Variants in WNT6 observed in about 807,000 individuals in gnomAD.
WNT6 encodes the protein Wnt family member 6.
Under a neutral mutation model 33.1 loss-of-function variants are expected in WNT6, and 27 were observed. The ratio of observed to expected loss-of-function variants is 0.82; its 90% CI spans 0.60 to 1.12. WNT6 has a LOEUF of 1.12. Among genes scored for constraint, WNT6 ranks in the 50% most tolerant of loss-of-function variants. The pLI, the probability that WNT6 is intolerant of heterozygous loss-of-function variation, is 0.00. For synonymous variants in WNT6, 249 were observed against 242.8 expected, an observed-to-expected ratio of 1.03 and a Z score of -0.24; for missense variants, 494 against 535.3, an observed-to-expected ratio of 0.92 and a Z score of 0.76.
At position 218,871,246 on chromosome 2, in the gene WNT6, G is replaced by A; in HGVS notation, c.300G>A (p.Gln100=). 3 of 1,607,612 alleles carry A rather than the reference G, an allele frequency of 1.9e-6. No homozygotes were observed. The highest frequency in any genetic ancestry group is 2.6e-6 in the Non-Finnish European group (3 of 1,175,820). ...AGGCCTTTGGACGCATCCTGCAACAGGGTCAGTGTGGGGAGGGGGCGGAAG... is the reference window on the plus strand; with the variant it reads ...AGGCCTTTGGACGCATCCTGCAACAAGGTCAGTGTGGGGAGGGGGCGGAAG... ...HSKAFGRILQ[Q]DIRETAFVFA... Residue 100 remains glutamine (Q), a splice_region_variant and synonymous_variant, in exon 2 of 4, where the codon CAG becomes CAA. Transcript: ENST00000233948. This position sits in a 1 kb window ranked among gnomAD's most constrained non-coding sequence, Gnocchi z 6.4.
chr2:218,863,036 G>A (rs1944323152), intron 1 of WNT6, among the ~76,000 whole-genome samples: 1 of 152,086 alleles, frequency 6.6e-6, no homozygotes, highest in Non-Finnish European at 1.5e-5. Context: ...CATCTCTTTG[G>A]TCTGAGCCCA....
intron 1 of WNT6, among the ~76,000 whole-genome samples, chr2:218,868,759 G>A (rs1944374168): frequency 6.6e-6 from 1 of 152,140 alleles, no homozygotes; most frequent in Non-Finnish European, 1.5e-5. Flanking sequence ...GGTATTACAT[G>A]TGACACAGAA....
intron 1 of WNT6, among the ~76,000 whole-genome samples, chr2:218,868,315 T>C (rs770404443): frequency 4.6e-5 from 7 of 152,160 alleles, no homozygotes; most frequent in South Asian, 2.1e-4. Flanking sequence ...GTTTTTGTCT[T>C]TCTGTCTTGC....
At chr2:218,864,616 G>A (rs1227380578) in intron 1 of WNT6, among the ~76,000 whole-genome samples, 8 of 152,120 alleles carry the variant, frequency 5.3e-5, no homozygotes, top group Non-Finnish European at 1.5e-5. Context: ...TGTTCCACTA[G>A]GGAAAACACC....
chr2:218,873,459 C>A lies in WNT6; in HGVS notation c.712C>A (p.Gln238Lys). ...SGSCALRTCW[Q>K]KLPPFREVGA... The stretch of plus-strand genomic sequence containing the variant: ...ATCATGCGCGCTGCGCACCTGCTGG[C>A]AGAAGCTGCCTCCATTTCGCGAGGT... Residue 238 changes from glutamine (Q) to lysine (K), a missense_variant, in exon 4 of 4, where the codon CAG becomes AAG. By Grantham distance (53) the Gln-to-Lys change is moderately conservative (BLOSUM62 1). Transcript: ENST00000233948. The surrounding 1 kb of genome is among the most constrained non-coding windows in gnomAD (Gnocchi z 6.1). 1 of 1,538,848 alleles carries A rather than the reference C, an allele frequency of 6.5e-7. No individual in the cohort carries two copies. Among genetic ancestry groups the A allele is most frequent in the Non-Finnish European group, 8.7e-7 (1 of 1,146,682 alleles).
Position 218,873,885 on chromosome 2 carries a change from G to T in WNT6, c.*40G>T. On this transcript the variant is annotated 3_prime_UTR_variant, in exon 4 of 4. Transcript: ENST00000233948. This position sits in a 1 kb window ranked among gnomAD's most constrained non-coding sequence, Gnocchi z 6.1. ...GCTAGACTGACTTCGCGCAGCGGTG[G>T]CTCGCACCTGTGGGACCTCAGGGCA... is the stretch of plus-strand genomic sequence containing the variant. 7.1e-7 allele frequency: 1 copy of T among 1,408,318 alleles called. No homozygotes were observed. Among genetic ancestry groups the T allele is most frequent in the African/African-American group, 1.5e-5 (1 of 66,446 alleles). 87.2% of individuals were successfully genotyped at this position (1,408,318 alleles called of 1,614,324 possible). A position where few individuals can be genotyped will look rare whatever the true frequency, so the allele number is the denominator to read the frequency against.
intron 1 of WNT6, among the ~76,000 whole-genome samples, chr2:218,868,685 T>TA (rs1264581439): frequency 1.3e-5 from 2 of 152,218 alleles, no homozygotes; most frequent in Non-Finnish European, 2.9e-5. Context: ...AACTTTCTCT[T>TA]AGATGGCTTA....
In WNT6 at chr2:218,871,348, C is replaced by T. The variant is rs993027336; in HGVS notation, c.301+101C>T. The T allele has an allele frequency of 7.4e-6, 11 of 1,483,594 alleles. No individual in the cohort carries two copies. Among genetic ancestry groups the T allele is most frequent in the Non-Finnish European group, 1.0e-5 (11 of 1,090,000 alleles). The allele number at this position is 1,483,594 out of a possible 1,614,324, so 91.9% of individuals were successfully genotyped here. On this transcript the variant is annotated intron_variant, in intron 2 of 3. Coordinates refer to ENST00000233948, the MANE Select transcript of WNT6 (RefSeq NM_006522.4). This position sits in a 1 kb window ranked among gnomAD's most constrained non-coding sequence, Gnocchi z 6.4. ...CTGAAGTTGCCTGAGCCCCACTTCCCCCTCACATGTGTCTGGGCACCCTGC... is the reference window on the plus strand; with the variant it reads ...CTGAAGTTGCCTGAGCCCCACTTCCTCCTCACATGTGTCTGGGCACCCTGC...
chr2:218,872,718 G>C (rs1172629493), intron 3 of WNT6, among the ~76,000 whole-genome samples: 2 of 152,184 alleles, frequency 1.3e-5, no homozygotes, highest in Non-Finnish European at 2.9e-5. Context: ...CAGTGACTAG[G>C]GGAGAGGCCG....
In WNT6 at chr2:218,859,903, C is replaced by A; in HGVS notation, c.-135C>A. 1.7e-6 allele frequency: 1 copy of A among 599,836 alleles called. No homozygotes were observed. The allele number at this position is 599,836 out of a possible 1,614,324, so 37.2% of individuals were successfully genotyped here. A position where few individuals can be genotyped will look rare whatever the true frequency, so the allele number is the denominator to read the frequency against. On this transcript the variant is annotated 5_prime_UTR_variant, in exon 1 of 4. Transcript: ENST00000233948. ...CCTCGCCCGGGATGGGCCCCCCCGC[C>A]GCCGCCGGATCCCTCGCCTCCCGGC... is the stretch of plus-strand genomic sequence containing the variant.
intron 1 of WNT6, among the ~76,000 whole-genome samples, chr2:218,864,814 AC>A (rs754041281): frequency 7.9e-5 from 12 of 151,592 alleles, no homozygotes; most frequent in Non-Finnish European, 1.8e-4. Flanking sequence ...GGGCCTGACC[AC>A]CCTTTCCCAT....
chr2:218,874,055 G>C lies in WNT6; in HGVS notation c.*210G>C, dbSNP rs756036251. On this transcript the variant is annotated 3_prime_UTR_variant, in exon 4 of 4. Transcript: ENST00000233948. ...GGGCGCCAGACGGCCCCGAAAAGGC[G>C]CTCGGGGAGCGTTTAAAGGACACTG... is the stretch of plus-strand genomic sequence containing the variant. The C allele has an allele frequency of 7.1e-6, 4 of 565,914 alleles. No homozygotes were observed. The highest frequency in any genetic ancestry group is 2.0e-5 in the African/African-American group (1 of 49,872). The allele number at this position is 565,914 out of a possible 1,614,324, so 35.1% of individuals were successfully genotyped here.
chr2:218,872,465 C>G (rs1944411172), intron 3 of WNT6, among the ~76,000 whole-genome samples: 1 of 152,094 alleles, frequency 6.6e-6, no homozygotes. Context: ...TCTCACCTGC[C>G]CAGAGCCATG....
In WNT6 at chr2:218,867,621, G is replaced by T. The variant is rs1475267976; in HGVS notation, c.81-3406G>T. 1.3e-5 allele frequency among the ~76,000 whole-genome samples: 2 copies of T among 152,194 alleles called. No individual in the cohort carries two copies. The highest frequency in any genetic ancestry group is 3.8e-4 in the East Asian group (2 of 5,196). On this transcript the variant is annotated intron_variant, in intron 1 of 3. Transcript: ENST00000233948. This position sits in a 1 kb window ranked among gnomAD's most constrained non-coding sequence, Gnocchi z 4.9. Reference sequence around the variant, plus strand: ...TTTCTATGCCCAGGAATGGCTGTTTGATGAGGATCCCAGATCCTATATATT... The same window carrying T: ...TTTCTATGCCCAGGAATGGCTGTTTTATGAGGATCCCAGATCCTATATATT...
At chr2:218,862,393 T>C (rs1047900562) in intron 1 of WNT6, among the ~76,000 whole-genome samples, 1 of 152,210 alleles carries the variant, frequency 6.6e-6, no homozygotes, top group Non-Finnish European at 1.5e-5. Context: ...TCGCCCAGGC[T>C]GGAGTGCAGT....
At chr2:218,860,420 G>T (rs548377939) in intron 1 of WNT6, among the ~76,000 whole-genome samples, 1 of 152,304 alleles carries the variant, frequency 6.6e-6, no homozygotes, top group Admixed American at 6.5e-5. Context: ...CCGAGGAAAA[G>T]AATGTGTGAG....
Position 218,871,322 on chromosome 2 carries a change from G to A in WNT6, c.301+75G>A. ...GACCCGAGGAGAGGAGAACTGGTTC[G>A]CTGAAGTTGCCTGAGCCCCACTTCC... On this transcript the variant is annotated intron_variant, in intron 2 of 3. Transcript: ENST00000233948. The surrounding 1 kb of genome is among the most constrained non-coding windows in gnomAD (Gnocchi z 6.4). 5 of 1,531,912 alleles carry A rather than the reference G, an allele frequency of 3.3e-6. No homozygotes were observed. The highest frequency in any genetic ancestry group is 4.4e-6 in the Non-Finnish European group (5 of 1,127,928). 94.9% of individuals were successfully genotyped at this position (1,531,912 alleles called of 1,614,324 possible). A position where few individuals can be genotyped will look rare whatever the true frequency, so the allele number is the denominator to read the frequency against.
At chr2:218,869,280 A>T (rs1314255230) in intron 1 of WNT6, among the ~76,000 whole-genome samples, 2 of 152,154 alleles carry the variant, frequency 1.3e-5, no homozygotes, top group Non-Finnish European at 2.9e-5. Context: ...GTTGTAGACC[A>T]TAAAGGACTG....
At position 218,873,656 on chromosome 2, in the gene WNT6, C is replaced by T. The variant is rs746535489; in HGVS notation, c.909C>T (p.Pro303=). The T allele has an allele frequency of 1.9e-6, 3 of 1,582,390 alleles. No individual in the cohort carries two copies. Among genetic ancestry groups the T allele is most frequent in the Admixed American group, 3.4e-5 (2 of 59,110 alleles). Residue 303 remains proline (P), a synonymous_variant, in exon 4 of 4, where the codon CCC becomes CCT. Coordinates refer to ENST00000233948, the MANE Select transcript of WNT6 (RefSeq NM_006522.4). The surrounding 1 kb of genome is among the most constrained non-coding windows in gnomAD (Gnocchi z 6.1). Reference sequence around the variant, plus strand: ...CCCCCAACCGACGCACCGGCTCCCCCGGCACGCGCGGTCGCGCCTGCAATA... The same window carrying T: ...CCCCCAACCGACGCACCGGCTCCCCTGGCACGCGCGGTCGCGCCTGCAATA... The part of the protein sequence containing the change: ...FCAPNRRTGS[P]GTRGRACNSS...
Sources: allele counts gnomAD v4.1 joint callset (sites outside exome capture counted in the v4.1 genomes callset), GRCh38; gene constraint gnomAD v4.1.1; non-coding constraint Gnocchi (gnomAD v3.1); transcripts MANE v1.5; gene names NCBI Gene and HGNC (gene_info 2026-07-23, HGNC 2026-07-21).